Variants in LRRC40 observed in about 807,000 individuals in gnomAD.
The protein encoded by LRRC40 is leucine rich repeat containing 40.
LRRC40 carries 76 observed loss-of-function variants against 72.8 expected under a neutral mutation model. The observed-to-expected ratio is 1.04, with a 90% confidence interval of 0.87 to 1.26. The LOEUF (loss-of-function observed/expected upper bound fraction) is 1.26, where lower values mean the gene tolerates loss of function less well. LRRC40 is among the 50% of genes most tolerant of loss of function. LRRC40 has a pLI of 0.00. For missense variants in LRRC40, 684 were observed against 698.9 expected (o/e 0.98, Z 0.24); for synonymous variants, 243 against 254.2 (o/e 0.96, Z 0.42).
intron 4 of LRRC40, among the ~76,000 whole-genome samples, chr1:70,181,866 C>G (rs1668254081): frequency 6.6e-6 from 1 of 151,578 alleles, no homozygotes; most frequent in African/African-American, 2.4e-5. Flanking sequence ...TTTAAGAGAA[C>G]TTTTTTTTGA....
At chr1:70,159,486 ATTGTTAAAATTC>A (rs1667711267) in intron 9 of LRRC40, 48 bp from the exon 10 acceptor site, 5 of 797,708 alleles carry the variant, frequency 6.3e-6, no homozygotes, top group Non-Finnish European at 1.1e-5. Flanking sequence ...CTACAAAGTC[ATTGTTAAAATTC>A]TTGATAATAT....
intron 11 of LRRC40, among the ~76,000 whole-genome samples, chr1:70,153,751 G>A (rs1667568347): frequency 6.6e-6 from 1 of 152,070 alleles, no homozygotes; most frequent in African/African-American, 2.4e-5. Flanking sequence ...GAAGGCCAAG[G>A]CAAGTGGATC....
chr1:70,188,018 A>G (rs1343719040), intron 2 of LRRC40, among the ~76,000 whole-genome samples: 1 of 152,220 alleles, frequency 6.6e-6, no homozygotes, highest in East Asian at 1.9e-4. Context: ...CTCTCTGATG[A>G]TATGATTTAT....
At chr1:70,202,091 T>C (rs2100357903) in intron 1 of LRRC40, among the ~76,000 whole-genome samples, 1 of 152,360 alleles carries the variant, frequency 6.6e-6, no homozygotes, top group Non-Finnish European at 1.5e-5. Flanking sequence ...AACTTTCATT[T>C]ATTACTTGTG....
chr1:70,151,466 A>C (rs886736402), intron 12 of LRRC40, among the ~76,000 whole-genome samples: 5 of 152,158 alleles, frequency 3.3e-5, no homozygotes, highest in African/African-American at 4.8e-5. Flanking sequence ...TAGTGATTAC[A>C]GGGTAAACAC....
chr1:70,199,443 C>T (rs930070323), intron 1 of LRRC40, among the ~76,000 whole-genome samples: 3 of 152,086 alleles, frequency 2.0e-5, no homozygotes, highest in African/African-American at 4.8e-5. Context: ...TATCCTCGCA[C>T]AATATGGGTT....
In LRRC40 at chr1:70,152,387, C is replaced by T. The variant is rs1571434963; in HGVS notation, c.1439+46G>A. On this transcript the variant is annotated intron_variant, in intron 12 of 14. Coordinates refer to ENST00000370952, the MANE Select transcript of LRRC40 (RefSeq NM_017768.5). ...GAATAAGTTAGACAAAACTCAAAGA[C>T]AAGTTATAACTTTTTAAAAAGTCAA... 33 of 981,204 alleles carry T rather than the reference C, an allele frequency of 3.4e-5. No individual in the cohort carries two copies. In the East Asian group the frequency reaches 7.8e-4, roughly 23 times the overall value. 60.8% of individuals were successfully genotyped at this position (981,204 alleles called of 1,614,324 possible). A position where few individuals can be genotyped will look rare whatever the true frequency, so the allele number is the denominator to read the frequency against.
chr1:70,154,643 ATATTT>A (rs1667597978), intron 11 of LRRC40, among the ~76,000 whole-genome samples: 1 of 152,200 alleles, frequency 6.6e-6, no homozygotes, highest in South Asian at 2.1e-4. Flanking sequence ...AAAGCAAATT[ATATTT>A]TGTCTCACTT....
Position 70,187,290 on chromosome 1 carries a change from C to A in LRRC40, c.382G>T (p.Glu128Ter). Reference sequence around the variant, plus strand: ...CTGACATTAAGTTTCTGAAGATTTTCTAGCTCTCTTATAGCAGAAGGAAGG... The same window carrying A: ...CTGACATTAAGTTTCTGAAGATTTTATAGCTCTCTTATAGCAGAAGGAAGG... ...TSLPSAIREL[E>*]NLQKLNVSHN... is the part of the protein sequence containing the mutation. The change falls in exon 3 of 15, where the codon GAA (glutamate) becomes TAA (stop). Residue 128 changes from glutamate (E) to a stop codon, truncating the protein, a stop_gained. Coordinates refer to ENST00000370952, the MANE Select transcript of LRRC40 (RefSeq NM_017768.5). LOFTEE classifies it high-confidence loss of function. 1 of 1,586,246 alleles carries A rather than the reference C, an allele frequency of 6.3e-7. No homozygotes were observed. The highest frequency in any genetic ancestry group is 2.3e-5 in the East Asian group (1 of 44,394).
At chr1:70,191,406 C>T (rs767697548) in intron 1 of LRRC40, among the ~76,000 whole-genome samples, 22 of 152,024 alleles carry the variant, frequency 1.4e-4, no homozygotes, top group Admixed American at 1.3e-4. Context: ...GAAATTTATA[C>T]ACAACATAAT....
chr1:70,200,081 A>G (rs957810925), intron 1 of LRRC40, among the ~76,000 whole-genome samples: 1 of 152,208 alleles, frequency 6.6e-6, no homozygotes, highest in Non-Finnish European at 1.5e-5. Flanking sequence ...TAAGGAGGCT[A>G]CCATCTAAGA....
intron 1 of LRRC40, among the ~76,000 whole-genome samples, chr1:70,197,746 G>A (rs145164514): frequency 6.6e-6 from 1 of 151,838 alleles, no homozygotes; most frequent in Admixed American, 6.6e-5. Flanking sequence ...AGACAGAGAA[G>A]AAATAAAAAA....
intron 1 of LRRC40, among the ~76,000 whole-genome samples, chr1:70,191,272 C>T (rs1184680596): frequency 6.6e-6 from 1 of 152,024 alleles, no homozygotes; most frequent in African/African-American, 2.4e-5. Context: ...AAAGATGAGA[C>T]ATAGAACATT....
intron 1 of LRRC40, among the ~76,000 whole-genome samples, chr1:70,196,820 A>G (rs1482795468): frequency 6.6e-6 from 1 of 152,212 alleles, no homozygotes; most frequent in Non-Finnish European, 1.5e-5. Flanking sequence ...TACTGGTTAC[A>G]TGATGGTATA....
At chr1:70,164,395 GA>G (rs1667834800) in intron 9 of LRRC40, among the ~76,000 whole-genome samples, 1 of 151,212 alleles carries the variant, frequency 6.6e-6, no homozygotes. Context: ...CATATCAAAA[GA>G]AAAAAGAAAA....
intron 13 of LRRC40, among the ~76,000 whole-genome samples, chr1:70,150,276 T>G (rs1306139964): frequency 6.6e-6 from 1 of 152,208 alleles, no homozygotes; most frequent in Non-Finnish European, 1.5e-5. Context: ...TAAGAAACAA[T>G]GTGACATAGT....
rs1035172253 is a variant in LRRC40, at chr1:70,144,904, T to C, written c.*896A>G. 1.3e-5 allele frequency: 2 copies of C among 152,220 alleles called. No homozygotes were observed. The highest frequency in any genetic ancestry group is 6.5e-5 in the Admixed American group (1 of 15,282). 9.4% of individuals were successfully genotyped at this position (152,220 alleles called of 1,614,324 possible). A position where few individuals can be genotyped will look rare whatever the true frequency, so the allele number is the denominator to read the frequency against. On this transcript the variant is annotated 3_prime_UTR_variant, in exon 15 of 15. Transcript: ENST00000370952. The stretch of plus-strand genomic sequence containing the variant: ...AAGCATGCCTCAATCATCCAAAAGC[T>C]ATCTACCTATCTATATAAATTGATA...
rs185107079 is a variant in LRRC40 at position 70,158,049 on chromosome 1, G to A, written c.1220+1281C>T. 1.4e-4 allele frequency among the ~76,000 whole-genome samples: 18 copies of A among 130,954 alleles called. No homozygotes were observed. In the East Asian group the frequency reaches 2.9e-3, roughly 21 times the overall value. The allele number at this position is 130,954 out of a possible 152,430, so 85.9% of individuals were successfully genotyped here. Reference sequence around the variant, plus strand: ...CAGGAGGTTGAGGTTACAGTGAGCCGAGATAACGCCACTGTACTCCAACCT... The same window carrying A: ...CAGGAGGTTGAGGTTACAGTGAGCCAAGATAACGCCACTGTACTCCAACCT... On this transcript the variant is annotated intron_variant, in intron 10 of 14. Transcript: ENST00000370952.
chr1:70,170,620 T>C (rs1218607187), intron 9 of LRRC40, among the ~76,000 whole-genome samples: 5 of 152,078 alleles, frequency 3.3e-5, no homozygotes, highest in Non-Finnish European at 7.4e-5. Context: ...AAGAAAACAA[T>C]TATATGCCTA....
Sources: allele counts gnomAD v4.1 joint callset (sites outside exome capture counted in the v4.1 genomes callset), GRCh38; gene constraint gnomAD v4.1.1; transcripts MANE v1.5; gene names NCBI Gene and HGNC (gene_info 2026-07-23, HGNC 2026-07-21).